The following LHFPL3 variants were observed in gnomAD, a reference collection of about 807,000 sequenced individuals.
LHFPL3 encodes LHFPL tetraspan subfamily member 3.
A neutral mutation model predicts 19.3 loss-of-function variants in LHFPL3; 5 were observed. The observed-to-expected ratio is 0.26, with a 90% CI of 0.14 to 0.54. The LOEUF is 0.54. Among genes scored for constraint, LHFPL3 ranks in the 20% least tolerant of loss-of-function variants. LHFPL3 has a pLI of 0.94. For missense variants in LHFPL3, 249 were observed against 307.4 expected (o/e 0.81, Z 1.42); for synonymous variants, 133 against 126.2 (o/e 1.05, Z -0.36).
chr7:104,379,236 C>T (rs1044215980), intron 1 of LHFPL3, among the ~76,000 whole-genome samples: 8 of 152,164 alleles, frequency 5.3e-5, no homozygotes, highest in African/African-American at 1.7e-4. Flanking sequence ...TCCCTGGTAC[C>T]GTTTCAGGAC....
chr7:104,548,872 C>A (rs1407836200), intron 1 of LHFPL3, among the ~76,000 whole-genome samples: 1 of 152,152 alleles, frequency 6.6e-6, no homozygotes, highest in Non-Finnish European at 1.5e-5. Context: ...GACCCTTCAG[C>A]CTGGCTCCCT....
intron 1 of LHFPL3, among the ~76,000 whole-genome samples, chr7:104,346,131 G>A (rs1025818603): frequency 6.6e-6 from 1 of 151,144 alleles, no homozygotes; most frequent in Non-Finnish European, 1.5e-5. Flanking sequence ...TGCCTCCCAG[G>A]TTCAAGCAAT....
chr7:104,406,454 T>G (rs923423616), intron 1 of LHFPL3, among the ~76,000 whole-genome samples: 1 of 143,044 alleles, frequency 7.0e-6, no homozygotes, highest in Non-Finnish European at 1.5e-5. Flanking sequence ...GAAATTAATA[T>G]ATTATCATTT....
chr7:104,834,904 T>A (rs1791062822), intron 2 of LHFPL3, among the ~76,000 whole-genome samples: 4 of 152,010 alleles, frequency 2.6e-5, no homozygotes, highest in Admixed American at 2.6e-4. Context: ...GAGAGGTGCC[T>A]TTTATTTTGG....
chr7:104,380,074 A>G (rs755305733), intron 1 of LHFPL3, among the ~76,000 whole-genome samples: 2 of 152,188 alleles, frequency 1.3e-5, no homozygotes, highest in African/African-American at 4.8e-5. Flanking sequence ...AACTAAAATC[A>G]AACTGTTTGT....
intron 1 of LHFPL3, among the ~76,000 whole-genome samples, chr7:104,543,287 G>C (rs528799536): frequency 6.6e-6 from 1 of 152,104 alleles, no homozygotes; most frequent in East Asian, 1.9e-4. Flanking sequence ...AGGATGTGGA[G>C]AAATAGGAAC....
At chr7:104,711,886 T>G (rs1793305557) in intron 1 of LHFPL3, among the ~76,000 whole-genome samples, 1 of 152,116 alleles carries the variant, frequency 6.6e-6, no homozygotes. Flanking sequence ...AACTACAAAT[T>G]AGAAGTGAAG....
chr7:104,763,079 T>C (rs1308230960), intron 2 of LHFPL3, among the ~76,000 whole-genome samples: 1 of 152,226 alleles, frequency 6.6e-6, no homozygotes, highest in Non-Finnish European at 1.5e-5. Flanking sequence ...ACTGTGATGA[T>C]GCCAAAAATA....
intron 1 of LHFPL3, among the ~76,000 whole-genome samples, chr7:104,596,659 G>A (rs756284205): frequency 2.0e-5 from 3 of 152,110 alleles, no homozygotes; most frequent in African/African-American, 7.2e-5. Context: ...TTCAATAAAC[G>A]TCATACCTGC....
At chr7:104,791,855 T>C (rs1303008961) in intron 2 of LHFPL3, among the ~76,000 whole-genome samples, 6 of 152,166 alleles carry the variant, frequency 3.9e-5, no homozygotes, top group Non-Finnish European at 8.8e-5. Flanking sequence ...CTAGGACAAC[T>C]GCCGCTGACA....
At chr7:104,887,173 A>G (rs1308226593) in intron 2 of LHFPL3, among the ~76,000 whole-genome samples, 4 of 152,368 alleles carry the variant, frequency 2.6e-5, no homozygotes, top group Middle Eastern at 3.4e-3. Context: ...CATTAGCTCC[A>G]CGGTGAATAA....
chr7:104,565,610 T>C (rs1790103812), intron 1 of LHFPL3, among the ~76,000 whole-genome samples: 1 of 152,176 alleles, frequency 6.6e-6, no homozygotes, highest in Non-Finnish European at 1.5e-5. Context: ...ACTTATGGCC[T>C]GGTACTTTAA....
chr7:104,424,610 T>C (rs957847335), intron 1 of LHFPL3, among the ~76,000 whole-genome samples: 1 of 152,130 alleles, frequency 6.6e-6, no homozygotes, highest in Non-Finnish European at 1.5e-5. Flanking sequence ...TTGTCACAAC[T>C]GGTTGGGGGA....
intron 2 of LHFPL3, among the ~76,000 whole-genome samples, chr7:104,747,886 CT>C (rs1340243262): frequency 6.6e-6 from 1 of 152,134 alleles, no homozygotes; most frequent in Admixed American, 6.5e-5. Context: ...GCTCTGTAAT[CT>C]TTTTTTCTTC....
rs1210777391 is a variant in LHFPL3 at position 104,328,817 on chromosome 7, C to T, written c.38C>T (p.Ala13Val). ...GAAAAAAAAA[A>V]AMLPAQEAAK... ...GCCGCCGCTGCCGCCGCCGCCGCCG[C>T]CGCGATGCTCCCGGCTCAGGAGGCT... Residue 13 changes from alanine to valine, a missense_variant, in exon 1 of 3, where the codon GCC becomes GTC. Ala to Val is a moderately conservative substitution (Grantham distance 64). Transcript: ENST00000424859. This position sits in a 1 kb window ranked among gnomAD's most constrained non-coding sequence, Gnocchi z 4.6. 3 of 1,611,084 alleles carry T rather than the reference C, an allele frequency of 1.9e-6. No homozygotes were observed. Among genetic ancestry groups the T allele is most frequent in the Non-Finnish European group, 1.7e-6 (2 of 1,178,510 alleles).
intron 1 of LHFPL3, among the ~76,000 whole-genome samples, chr7:104,632,818 T>C (rs1791667145): frequency 3.9e-5 from 6 of 152,276 alleles, no homozygotes; most frequent in Middle Eastern, 6.8e-3. Context: ...AAAAATACAG[T>C]AATTTTTTGC....
chr7:104,462,405 A>G (rs1198745284), intron 1 of LHFPL3, among the ~76,000 whole-genome samples: 2 of 152,160 alleles, frequency 1.3e-5, no homozygotes, highest in African/African-American at 2.4e-5. Flanking sequence ...TGTTCCTTCA[A>G]TATGTAGTTT....
chr7:104,557,933 G>C lies in LHFPL3; in HGVS notation c.446-178742G>C, dbSNP rs1361760695. Reference sequence around the variant, plus strand: ...TATGAATGAGAATATGCGGTGTTTGGTTTTTTGTTCTTGCGATAGTTTACT... The same window carrying C: ...TATGAATGAGAATATGCGGTGTTTGCTTTTTTGTTCTTGCGATAGTTTACT... On this transcript the variant is annotated intron_variant, in intron 1 of 2. Coordinates refer to ENST00000424859, the MANE Select transcript of LHFPL3 (RefSeq NM_199000.3). 4.6e-5 allele frequency among the ~76,000 whole-genome samples: 7 copies of C among 150,746 alleles called. No homozygotes were observed. The East Asian group carries it at 1.4e-3, about 29-fold the overall frequency.
intron 1 of LHFPL3, among the ~76,000 whole-genome samples, chr7:104,377,388 C>T (rs1340634128): frequency 6.6e-6 from 1 of 152,098 alleles, no homozygotes; most frequent in East Asian, 1.9e-4. Context: ...CTATTCTTCA[C>T]AGGAAAAGAA....
Sources: allele counts gnomAD v4.1 joint callset (sites outside exome capture counted in the v4.1 genomes callset), GRCh38; gene constraint gnomAD v4.1.1; non-coding constraint Gnocchi (gnomAD v3.1); transcripts MANE v1.5; gene names NCBI Gene and HGNC (gene_info 2026-07-23, HGNC 2026-07-21).